The following C10orf143 variants were observed in gnomAD, a reference collection of about 807,000 sequenced individuals.
C10orf143 encodes chromosome 10 open reading frame 143.
chr10:130,047,614 G>A (rs540799936), intron 3 of C10orf143, among the ~76,000 whole-genome samples: 15 of 152,308 alleles, frequency 9.8e-5, no homozygotes, highest in Non-Finnish European at 1.5e-4. Context: ...GGTCAGACCC[G>A]GACGAAGCCA....
chr10:130,050,338 G>A (rs1444801366), intron 3 of C10orf143, among the ~76,000 whole-genome samples: 6 of 152,248 alleles, frequency 3.9e-5, no homozygotes, highest in Non-Finnish European at 8.8e-5. Flanking sequence ...GGGAAGCCAA[G>A]GCGGGAGGAT....
intron 3 of C10orf143, among the ~76,000 whole-genome samples, chr10:130,046,979 G>A (rs908200557): frequency 2.0e-5 from 3 of 152,238 alleles, no homozygotes; most frequent in African/African-American, 7.2e-5. Context: ...CTAGTCAACA[G>A]ACAGTACGGT....
intron 3 of C10orf143, among the ~76,000 whole-genome samples, chr10:130,053,314 G>A (rs149920966): frequency 6.7e-4 from 102 of 152,260 alleles, no homozygotes; most frequent in African/African-American, 2.2e-3. Flanking sequence ...CTCGTGATCC[G>A]CCTGCCTTGG....
intron 1 of C10orf143, among the ~76,000 whole-genome samples, chr10:130,110,448 G>A (rs1485341360): frequency 6.6e-6 from 1 of 152,260 alleles, no homozygotes; most frequent in East Asian, 1.9e-4. Context: ...CCCAGTGAGC[G>A]TGTGGGTCAG....
In C10orf143 at chr10:130,079,894, A is replaced by G. The variant is rs1380384540; in HGVS notation, c.77T>C (p.Val26Ala). The part of the protein sequence containing the change: ...DLQVPGDVKR[V>A]CRRLEASGHE... ...CCCACTGGCTTCTAATCTCCTGCATACCCGTTTCTGAAACAAACAAAATTT... is the reference window on the plus strand; with the variant it reads ...CCCACTGGCTTCTAATCTCCTGCATGCCCGTTTCTGAAACAAACAAAATTT... The change falls in exon 2 of 4, where the codon GTA becomes GCA. Residue 26 changes from valine (V) to alanine (A), a missense_variant. Physicochemically the swap from Val to Ala is moderately conservative, Grantham distance 64 (BLOSUM62 0). Transcript: ENST00000637128. The G allele has an allele frequency of 2.5e-6, 1 of 398,482 alleles. No homozygotes were observed. The highest frequency in any genetic ancestry group is 4.4e-6 in the Non-Finnish European group (1 of 226,080). 24.7% of individuals were successfully genotyped at this position (398,482 alleles called of 1,614,324 possible). A position where few individuals can be genotyped will look rare whatever the true frequency, so the allele number is the denominator to read the frequency against.
At chr10:130,092,803 T>TA (rs1861402663) in intron 1 of C10orf143, among the ~76,000 whole-genome samples, 2 of 150,568 alleles carry the variant, frequency 1.3e-5, no homozygotes, top group African/African-American at 4.9e-5. Flanking sequence ...CCAATGAAGA[T>TA]CAAAAAAAAG....
chr10:130,091,646 AT>A (rs1483214715), intron 1 of C10orf143, among the ~76,000 whole-genome samples: 1 of 152,212 alleles, frequency 6.6e-6, no homozygotes, highest in African/African-American at 2.4e-5. Flanking sequence ...TTTTAACCCA[AT>A]GTAAGGAAGC....
chr10:130,067,571 T>G (rs1860957160), intron 3 of C10orf143: 1 of 152,214 alleles, frequency 6.6e-6, no homozygotes, highest in Admixed American at 6.5e-5. Flanking sequence ...GCCATTACCA[T>G]CTGCCAGAGG....
chr10:130,105,880 G>A (rs1861634146), intron 1 of C10orf143, among the ~76,000 whole-genome samples: 1 of 152,264 alleles, frequency 6.6e-6, no homozygotes, highest in South Asian at 2.1e-4. Context: ...TGGGCAGAGT[G>A]GGCCTGTGAG....
At chr10:130,091,735 G>A (rs1055420530) in intron 1 of C10orf143, among the ~76,000 whole-genome samples, 4 of 152,188 alleles carry the variant, frequency 2.6e-5, no homozygotes, top group African/African-American at 9.7e-5. Flanking sequence ...ACCTGATGGA[G>A]CTGAAAAACA....
intron 3 of C10orf143, among the ~76,000 whole-genome samples, chr10:130,054,071 G>A (rs1424001148): frequency 6.6e-6 from 1 of 152,198 alleles, no homozygotes; most frequent in African/African-American, 2.4e-5. Context: ...AGTTTTAAGT[G>A]TACAACATGG....
Position 130,044,629 on chromosome 10 carries a change from A to G in C10orf143, c.298-8659T>C, listed in dbSNP as rs115698011. ...CAGCTGCAGATGAGCAAAGTCAGGG[A>G]AAGGGATGCTTGGCTCTTAAATCCC... is the stretch of plus-strand genomic sequence containing the variant. On this transcript the variant is annotated intron_variant and NMD_transcript_variant, in intron 3 of 5. Coordinates refer to the C10orf143 transcript ENST00000643056. 8.2e-3 allele frequency among the ~76,000 whole-genome samples: 1,245 copies of G among 152,270 alleles called. 20 individuals are homozygous for G. Among genetic ancestry groups the G allele is most frequent in the African/African-American group, 0.028 (1,160 of 41,542 alleles).
chr10:130,107,621 T>G (rs753843072), intron 1 of C10orf143: 8 of 1,341,206 alleles, frequency 6.0e-6, no homozygotes, highest in Admixed American at 3.4e-5. Context: ...GGGTCGGCCT[T>G]CATCTGAAAC....
chr10:130,104,739 G>C (rs1861612369), intron 1 of C10orf143: 2 of 152,130 alleles, frequency 1.3e-5, no homozygotes, highest in Non-Finnish European at 2.9e-5. Context: ...GCAACCTGAA[G>C]CCTGGCACTC....
chr10:130,055,081 G>A (rs1310471274), intron 3 of C10orf143, among the ~76,000 whole-genome samples: 3 of 152,070 alleles, frequency 2.0e-5, no homozygotes, highest in Admixed American at 6.5e-5. Context: ...AGACTTCAAT[G>A]TAAGTCCTAA....
At chr10:130,037,410 C>T (rs1481865383) in intron 3 of C10orf143, among the ~76,000 whole-genome samples, 2 of 152,226 alleles carry the variant, frequency 1.3e-5, no homozygotes, top group South Asian at 4.1e-4. Flanking sequence ...AAGGCTCACT[C>T]CCAAGCCCAT....
chr10:130,059,092 C>G (rs988299098), downstream of C10orf143, among the ~76,000 whole-genome samples: 1 of 152,108 alleles, frequency 6.6e-6, no homozygotes, highest in Non-Finnish European at 1.5e-5. Flanking sequence ...GGGGAAAAAA[C>G]ACAGTTAGAT....
intron 3 of C10orf143, among the ~76,000 whole-genome samples, chr10:130,071,787 G>C (rs901588790): frequency 2.6e-5 from 4 of 152,070 alleles, no homozygotes; most frequent in African/African-American, 7.2e-5. Context: ...ACCATGCCTG[G>C]CTAATTTTTT....
intron 3 of C10orf143, among the ~76,000 whole-genome samples, chr10:130,046,434 C>T (rs1860674005): frequency 6.6e-6 from 1 of 152,094 alleles, no homozygotes. Context: ...CACTGCAATT[C>T]CTCTTAATTA....
Sources: gnomAD v4.1 joint callset for allele counts (sites outside exome capture counted in the v4.1 genomes callset) on GRCh38, gnomAD v4.1.1 for gene constraint, MANE v1.5 for transcripts, NCBI Gene and HGNC (gene_info 2026-07-23, HGNC 2026-07-21) for gene names.